KCND2: variants seen among roughly 807,000 people sequenced by gnomAD.
KCND2 encodes the protein A-type voltage-gated potassium channel KCND2.
Under a neutral mutation model 54.4 loss-of-function variants are expected in KCND2, and 16 were observed. That is an observed-to-expected ratio of 0.29 (90% CI 0.20 to 0.45). The LOEUF (loss-of-function observed/expected upper bound fraction) is 0.45. Ranked by LOEUF, KCND2 falls within the 20% of genes least tolerant of loss-of-function variation. The pLI is 1.00. For missense variants in KCND2, 486 were observed against 824.2 expected (o/e 0.59, Z 5.02); for synonymous variants, 317 against 310.7 (o/e 1.02, Z -0.21).
At chr7:120,684,933 A>G (rs1352340770) in intron 1 of KCND2, among the ~76,000 whole-genome samples, 1 of 152,176 alleles carries the variant, frequency 6.6e-6, no homozygotes, top group Non-Finnish European at 1.5e-5. Context: ...AGTTTCAGAA[A>G]AACAAGCTCA....
chr7:120,680,704 T>C (rs781721970), intron 1 of KCND2, among the ~76,000 whole-genome samples: 22 of 152,082 alleles, frequency 1.4e-4, no homozygotes, highest in Non-Finnish European at 2.1e-4. Flanking sequence ...TTCAGCATAA[T>C]ACAATAGTAT....
intron 1 of KCND2, among the ~76,000 whole-genome samples, chr7:120,412,665 A>G (rs1317988711): frequency 6.6e-6 from 1 of 151,958 alleles, no homozygotes; most frequent in Non-Finnish European, 1.5e-5. Context: ...GACTTTTTGT[A>G]TTGCTAGCTT....
intron 1 of KCND2, among the ~76,000 whole-genome samples, chr7:120,496,227 T>C (rs1244383103): frequency 6.6e-6 from 1 of 151,866 alleles, no homozygotes; most frequent in African/African-American, 2.4e-5. Flanking sequence ...TTGGAGCAAT[T>C]GGATCTCTAA....
At chr7:120,536,006 A>G (rs966855420) in intron 1 of KCND2, among the ~76,000 whole-genome samples, 4 of 152,190 alleles carry the variant, frequency 2.6e-5, no homozygotes, top group African/African-American at 7.2e-5. Flanking sequence ...TAATGTGGCC[A>G]CTAGTTAAGC....
chr7:120,681,712 T>A (rs1792141928), intron 1 of KCND2, among the ~76,000 whole-genome samples: 1 of 152,116 alleles, frequency 6.6e-6, no homozygotes, highest in African/African-American at 2.4e-5. Context: ...ATTTTCTTTG[T>A]TGAATATCAA....
At chr7:120,339,050 A>ATTTT (rs778288080) in intron 1 of KCND2, among the ~76,000 whole-genome samples, 14 of 138,906 alleles carry the variant, frequency 1.0e-4, no homozygotes, top group Non-Finnish European at 2.0e-4. Context: ...CTGGCTAATT[A>ATTTT]TTATTTTTTT....
At chr7:120,712,529 G>A (rs909630454) in intron 1 of KCND2, among the ~76,000 whole-genome samples, 2 of 151,564 alleles carry the variant, frequency 1.3e-5, no homozygotes, top group African/African-American at 4.8e-5. Context: ...CCAAAGTGCT[G>A]GGATTATAGG....
At chr7:120,512,498 G>A (rs1803132881) in intron 1 of KCND2, among the ~76,000 whole-genome samples, 1 of 151,590 alleles carries the variant, frequency 6.6e-6, no homozygotes, top group Non-Finnish European at 1.5e-5. Flanking sequence ...TTAGGAAAAG[G>A]TAGCAATTAT....
chr7:120,730,365 G>T (rs927830468), intron 1 of KCND2, among the ~76,000 whole-genome samples: 1 of 152,056 alleles, frequency 6.6e-6, no homozygotes, highest in Non-Finnish European at 1.5e-5. Flanking sequence ...ACATAATTTG[G>T]CTCATATGTA....
At chr7:120,395,205 G>T (rs912885243) in intron 1 of KCND2, among the ~76,000 whole-genome samples, 17 of 152,020 alleles carry the variant, frequency 1.1e-4, no homozygotes, top group Non-Finnish European at 1.8e-4. Context: ...AACTCTAAAA[G>T]AGTACTTCCT....
At chr7:120,439,210 AT>A (rs1181848129) in intron 1 of KCND2, among the ~76,000 whole-genome samples, 1 of 151,982 alleles carries the variant, frequency 6.6e-6, no homozygotes, top group Admixed American at 6.6e-5. Context: ...TTAAATTAGA[AT>A]TTTTTTAGGC....
chr7:120,675,804 C>T (rs780726092), intron 1 of KCND2, among the ~76,000 whole-genome samples: 23 of 151,616 alleles, frequency 1.5e-4, no homozygotes, highest in Non-Finnish European at 3.2e-4. Flanking sequence ...GCTGTTGTCC[C>T]CTTGACTAGT....
intron 1 of KCND2, among the ~76,000 whole-genome samples, chr7:120,488,026 A>G (rs1802719338): frequency 6.6e-6 from 1 of 151,870 alleles, no homozygotes. Context: ...ACAAAAAAAC[A>G]AAACAAAACA....
At chr7:120,316,667 T>C (rs1342819630) in intron 1 of KCND2, among the ~76,000 whole-genome samples, 1 of 152,210 alleles carries the variant, frequency 6.6e-6, no homozygotes, top group Admixed American at 6.5e-5. Flanking sequence ...TGGCCACTTA[T>C]TCTGATTACG....
chr7:120,681,935 C>CA (rs1351529277), intron 1 of KCND2, among the ~76,000 whole-genome samples: 2 of 151,812 alleles, frequency 1.3e-5, no homozygotes, highest in African/African-American at 4.8e-5. Flanking sequence ...ATGAAACTCC[C>CA]AAAAAGGCAT....
intron 1 of KCND2, among the ~76,000 whole-genome samples, chr7:120,622,687 ACACTCT>A (rs1406637710): frequency 5.7e-4 from 81 of 143,340 alleles, no homozygotes; most frequent in African/African-American, 8.0e-5. Context: ...ACACACACAC[ACACTCT>A]CTCTCTCTCT....
intron 1 of KCND2, among the ~76,000 whole-genome samples, chr7:120,468,809 T>C (rs999180688): frequency 6.6e-6 from 1 of 152,164 alleles, no homozygotes; most frequent in African/African-American, 2.4e-5. Context: ...GCAGACAGAT[T>C]GATTTCCTGG....
chr7:120,382,043 T>C (rs1397223385), intron 1 of KCND2, among the ~76,000 whole-genome samples: 2 of 151,918 alleles, frequency 1.3e-5, no homozygotes, highest in African/African-American at 4.8e-5. Flanking sequence ...ACATTTGTTA[T>C]GCTGAACACA....
intron 1 of KCND2, among the ~76,000 whole-genome samples, chr7:120,657,722 C>G (rs1187024070): frequency 6.6e-6 from 1 of 152,052 alleles, no homozygotes; most frequent in Non-Finnish European, 1.5e-5. Context: ...GGGCAGTGCC[C>G]CTGTAATCCT....
Sources: allele counts gnomAD v4.1 joint callset (sites outside exome capture counted in the v4.1 genomes callset), GRCh38; gene constraint gnomAD v4.1.1; transcripts MANE v1.5; gene names NCBI Gene and HGNC (gene_info 2026-07-23, HGNC 2026-07-21).